SLC25A12: variants seen among roughly 807,000 people sequenced by gnomAD.
SLC25A12 encodes the protein solute carrier family 25 member 12, also known as electrogenic aspartate/glutamate antiporter SLC25A12, mitochondrial.
Under a neutral mutation model 83.3 loss-of-function variants are expected in SLC25A12, and 32 were observed. The observed-to-expected ratio is 0.38, with a 90% CI of 0.29 to 0.52. The LOEUF is 0.52. Ranked by LOEUF, SLC25A12 falls within the 20% of genes least tolerant of loss-of-function variation. SLC25A12 has a pLI of 0.84. For synonymous variants in SLC25A12, 267 were observed against 291.1 expected, an observed-to-expected ratio of 0.92 and a Z score of 0.84; for missense variants, 611 against 835.6, an observed-to-expected ratio of 0.73 and a Z score of 3.31.
intron 4 of SLC25A12, among the ~76,000 whole-genome samples, chr2:171,855,029 A>G (rs1685016581): frequency 6.6e-6 from 1 of 152,226 alleles, no homozygotes; most frequent in African/African-American, 2.4e-5. Flanking sequence ...AGATAGTAGT[A>G]ATTTTATCTT....
intron 2 of SLC25A12, among the ~76,000 whole-genome samples, chr2:171,875,805 C>T (rs1041496718): frequency 6.7e-6 from 1 of 149,994 alleles, no homozygotes; most frequent in Non-Finnish European, 1.5e-5. Flanking sequence ...CCCCGCTACT[C>T]GGGAGGCTGA....
In SLC25A12 at chr2:171,800,499, T is replaced by G. The variant is rs1683688970; in HGVS notation, c.1306-6732A>C. 3.9e-5 allele frequency among the ~76,000 whole-genome samples: 6 copies of G among 152,204 alleles called. No individual in the cohort carries two copies. In the South Asian group the frequency reaches 1.2e-3, roughly 31 times the overall value. On this transcript the variant is annotated intron_variant, in intron 13 of 17. Coordinates refer to ENST00000422440, the MANE Select transcript of SLC25A12 (RefSeq NM_003705.5). ...CAGATATCAAACATTAGTGAAGATGTGGAACAACTGGAATACTTGTACACT... is the reference window on the plus strand; with the variant it reads ...CAGATATCAAACATTAGTGAAGATGGGGAACAACTGGAATACTTGTACACT...
intron 15 of SLC25A12, among the ~76,000 whole-genome samples, chr2:171,789,591 T>G (rs187220172): frequency 1.2e-3 from 177 of 152,306 alleles, no homozygotes; most frequent in African/African-American, 4.1e-3. Flanking sequence ...CAGGTGTCCT[T>G]GGCTGCACCA....
chr2:171,796,727 G>A (rs1422933888), intron 13 of SLC25A12, among the ~76,000 whole-genome samples: 7 of 151,912 alleles, frequency 4.6e-5, no homozygotes, highest in Admixed American at 3.9e-4. Flanking sequence ...TTCCAGAAAC[G>A]CTGAATAATT....
chr2:171,793,497 CTTTTT>C, intron 14 of SLC25A12, 125 bp downstream of exon 14: 1 of 936,396 alleles, frequency 1.1e-6, no homozygotes, highest in East Asian at 2.5e-5. Flanking sequence ...TGATTCTTTT[CTTTTT>C]GTTTGATTTT....
chr2:171,875,641 C>T (rs867175788), intron 2 of SLC25A12, among the ~76,000 whole-genome samples: 24 of 149,938 alleles, frequency 1.6e-4, no homozygotes, highest in African/African-American at 5.9e-4. Context: ...GGGCCGGGCG[C>T]GGTGGCTCAC....
intron 5 of SLC25A12, among the ~76,000 whole-genome samples, chr2:171,841,694 T>A (rs1684676189): frequency 6.6e-6 from 1 of 152,190 alleles, no homozygotes; most frequent in Non-Finnish European, 1.5e-5. Flanking sequence ...TTTTTACATA[T>A]GAAAAGTCTC....
intron 9 of SLC25A12, among the ~76,000 whole-genome samples, chr2:171,819,235 A>G (rs1375035238): frequency 8.7e-5 from 11 of 127,038 alleles, no homozygotes; most frequent in African/African-American, 3.4e-4. Context: ...ATATATGTAT[A>G]TAATATATAC....
chr2:171,844,448 T>C lies in SLC25A12; in HGVS notation c.386A>G (p.Asp129Gly). The C allele has an allele frequency of 6.2e-7, 1 of 1,612,914 alleles. No homozygotes were observed. ...IIHHHIPFNW[D>G]CEFIRLHFGH... ...AAAATGCAGTCGGATAAATTCACAA[T>C]CCCAGTTAAAAGGGATATGATGATG... The change falls in exon 5 of 18, where the codon GAT becomes GGT. Residue 129 changes from aspartate to glycine, a missense_variant. Around this residue, in one of 3 missense-constraint regions of SLC25A12, gnomAD observed 540 missense variants for 777.5 expected, o/e 0.69. Coordinates refer to ENST00000422440, the MANE Select transcript of SLC25A12 (RefSeq NM_003705.5).
rs1216780924 is a variant in SLC25A12 at position 171,793,708 on chromosome 2, T to G, written c.1365A>C (p.Gln455His). ...GTCCCGTGGTGATCTCTCCAGCTAC[T>G]TGCAGACGAATCTTCACTATCTCCA... The part of the protein sequence containing the change: ...NPLEIVKIRL[Q>H]VAGEITTGPR... Residue 455 changes from glutamine (Q) to histidine (H), a missense_variant, in exon 14 of 18, where the codon CAA becomes CAC. Gln to His is a conservative substitution (Grantham distance 24). Coordinates refer to ENST00000422440, the MANE Select transcript of SLC25A12 (RefSeq NM_003705.5). 1 of 1,614,058 alleles carries G rather than the reference T, an allele frequency of 6.2e-7. No individual in the cohort carries two copies. The highest frequency in any genetic ancestry group is 1.7e-5 in the Admixed American group (1 of 60,004).
At chr2:171,824,789 C>T (rs1224217974) in intron 9 of SLC25A12, among the ~76,000 whole-genome samples, 1 of 151,636 alleles carries the variant, frequency 6.6e-6, no homozygotes, top group East Asian at 1.9e-4. Flanking sequence ...TCTGAGACCT[C>T]CTAATGGAAA....
At chr2:171,845,738 CAA>C (rs1684783175) in intron 4 of SLC25A12, 1 of 444,088 alleles carries the variant, frequency 2.3e-6, no homozygotes, top group Non-Finnish European at 4.5e-6. Flanking sequence ...AGTCTAGAGT[CAA>C]TATAATAGCT....
chr2:171,881,529 AG>A (rs1314187595), intron 2 of SLC25A12, among the ~76,000 whole-genome samples: 1 of 152,230 alleles, frequency 6.6e-6, no homozygotes, highest in Non-Finnish European at 1.5e-5. Context: ...CTTAGGTGGC[AG>A]GGAATTATTG....
At chr2:171,812,173 A>T (rs913007636) in intron 11 of SLC25A12, among the ~76,000 whole-genome samples, 4 of 152,224 alleles carry the variant, frequency 2.6e-5, no homozygotes, top group Admixed American at 6.5e-5. Context: ...TGATTTCGGA[A>T]TAACTCTCTC....
At chr2:171,845,168 T>C (rs1217695231) in intron 4 of SLC25A12, among the ~76,000 whole-genome samples, 1 of 152,146 alleles carries the variant, frequency 6.6e-6, no homozygotes, top group African/African-American at 2.4e-5. Context: ...GTGTTTCACT[T>C]TTAAATAAAG....
At chr2:171,825,849 C>G (rs1684289925) in intron 9 of SLC25A12, among the ~76,000 whole-genome samples, 1 of 152,196 alleles carries the variant, frequency 6.6e-6, no homozygotes, top group South Asian at 2.1e-4. Context: ...TTCCATTCCA[C>G]TCTTCAAGGT....
chr2:171,864,638 C>T (rs1006900022), intron 3 of SLC25A12, among the ~76,000 whole-genome samples: 32 of 152,160 alleles, frequency 2.1e-4, no homozygotes, highest in African/African-American at 7.0e-4. Context: ...TGTTTCATGC[C>T]GTTCCTGTTC....
chr2:171,841,088 A>T (rs947405931), intron 5 of SLC25A12, among the ~76,000 whole-genome samples: 4 of 151,442 alleles, frequency 2.6e-5, no homozygotes, highest in African/African-American at 7.2e-5. Context: ...TTTGTTTGTT[A>T]GTTTGTTTTG....
chr2:171,882,267 T>C (rs1382352174), intron 2 of SLC25A12, among the ~76,000 whole-genome samples: 1 of 152,128 alleles, frequency 6.6e-6, no homozygotes, highest in Non-Finnish European at 1.5e-5. Flanking sequence ...CACCCTCAAT[T>C]TACACAGGTC....
Sources: gnomAD v4.1 joint callset for allele counts (sites outside exome capture counted in the v4.1 genomes callset) on GRCh38, gnomAD v4.1.1 for gene constraint, gnomAD v4.1.1 regional missense constraint, MANE v1.5 for transcripts, NCBI Gene and HGNC (gene_info 2026-07-23, HGNC 2026-07-21) for gene names.